Variants in AFDN observed in about 807,000 individuals in gnomAD.
AFDN encodes the protein afadin, adherens junction formation factor, also known as afadin.
Under a neutral mutation model 216.6 loss-of-function variants are expected in AFDN, and 68 were observed. The ratio of observed to expected loss-of-function variants is 0.31; its 90% CI spans 0.26 to 0.38. The LOEUF is 0.38. Among genes scored for constraint, AFDN ranks in the 10% least tolerant of loss-of-function variants. The pLI is 1.00. For missense variants in AFDN, 2,136 were observed against 2,342.0 expected (o/e 0.91, Z 1.82); for synonymous variants, 868 against 853.7 (o/e 1.02, Z -0.29).
In AFDN at chr6:167,947,970, C is replaced by G. The variant is rs1345205207; in HGVS notation, c.3645+26C>G. 6 of 1,528,990 alleles carry G rather than the reference C, an allele frequency of 3.9e-6. No homozygotes were observed. In the Admixed American group the frequency reaches 6.7e-5, roughly 17 times the overall value. 94.7% of individuals were successfully genotyped at this position (1,528,990 alleles called of 1,614,324 possible). On this transcript the variant is annotated intron_variant, in intron 28 of 33. Transcript: ENST00000683244. ...GTCTGATTGATTGATAAGCAAAAGG[C>G]TTCTACTGCATTTCCATCCTTAGGG...
At chr6:167,912,894 T>C (rs1203958995) in intron 15 of AFDN, among the ~76,000 whole-genome samples, 1 of 152,228 alleles carries the variant, frequency 6.6e-6, no homozygotes, top group East Asian at 1.9e-4. Flanking sequence ...TTGCTCCCTT[T>C]AGTATAGGTG....
intron 1 of AFDN, among the ~76,000 whole-genome samples, chr6:167,862,719 T>C (rs1348724458): frequency 1.3e-5 from 2 of 152,214 alleles, no homozygotes; most frequent in Non-Finnish European, 2.9e-5. Flanking sequence ...GAGATGGACA[T>C]GTTTAAAAGG....
intron 15 of AFDN, among the ~76,000 whole-genome samples, chr6:167,913,099 TC>T (rs1219286946): frequency 6.6e-6 from 1 of 152,156 alleles, no homozygotes; most frequent in Non-Finnish European, 1.5e-5. Flanking sequence ...CCATTGTAAA[TC>T]TTTTAAAGAG....
At chr6:167,918,206 A>G (rs537059164) in intron 20 of AFDN, among the ~76,000 whole-genome samples, 5 of 152,372 alleles carry the variant, frequency 3.3e-5, no homozygotes, top group Non-Finnish European at 5.9e-5. Flanking sequence ...TAATACATCA[A>G]TAAAACGTGT....
chr6:167,828,565 G>T (rs1034548732), intron 1 of AFDN, among the ~76,000 whole-genome samples: 8 of 152,214 alleles, frequency 5.3e-5, no homozygotes, highest in Admixed American at 2.6e-4. Context: ...ATGATTTTAT[G>T]AGTTAGGTTC....
At chr6:167,884,257 G>A (rs1379282601) in intron 6 of AFDN, among the ~76,000 whole-genome samples, 1 of 152,016 alleles carries the variant, frequency 6.6e-6, no homozygotes, top group Non-Finnish European at 1.5e-5. Flanking sequence ...ATCATCCATA[G>A]GGTTTGAATC....
At chr6:167,864,894 G>T (rs1169777668) in intron 2 of AFDN, 148 bp downstream of exon 2, 1 of 842,614 alleles carries the variant, frequency 1.2e-6, no homozygotes, top group Admixed American at 1.7e-5. Context: ...GGCAGGCTGA[G>T]AAAACTGTTT....
In AFDN at chr6:167,951,742, C is replaced by A. The variant is rs201842235; in HGVS notation, c.4388C>A (p.Pro1463His). ...TQSLNPAPFS[P>H]LTAQQMKPEK... ...TCCTTAAACCCTGCTCCGTTTTCTC[C>A]CCTGACTGCACAGCAGATGAAGCCC... The change falls in exon 30 of 34, where the codon CCC becomes CAC. Residue 1463 changes from proline (P) to histidine (H), a missense_variant. Transcript: ENST00000683244. This position sits in a 1 kb window ranked among gnomAD's most constrained non-coding sequence, Gnocchi z 7.1. 7.9e-5 allele frequency: 127 copies of A among 1,614,154 alleles called. 1 individual carries two copies. In the East Asian group the frequency reaches 2.1e-3, roughly 27 times the overall value.
chr6:167,956,001 G>C (rs1046603411), intron 30 of AFDN, among the ~76,000 whole-genome samples: 6 of 150,554 alleles, frequency 4.0e-5, no homozygotes, highest in Admixed American at 3.3e-4. Flanking sequence ...TGTAATGCCA[G>C]CTACTCAGGA....
At chr6:167,948,604 G>A (rs943264237) in intron 29 of AFDN, 126 bp downstream of exon 29, 1 of 921,592 alleles carries the variant, frequency 1.1e-6, no homozygotes, top group Admixed American at 3.0e-5. Flanking sequence ...TAATGGTTTT[G>A]TGGTTAAGTT....
intron 1 of AFDN, among the ~76,000 whole-genome samples, chr6:167,844,932 T>C (rs1781496447): frequency 6.7e-6 from 1 of 149,240 alleles, no homozygotes; most frequent in South Asian, 2.1e-4. Flanking sequence ...CGATCATAGC[T>C]CACTGTAGCC....
chr6:167,939,467 AAAG>A (rs891748844), intron 23 of AFDN, among the ~76,000 whole-genome samples: 25 of 152,284 alleles, frequency 1.6e-4, no homozygotes, highest in African/African-American at 4.8e-4. Context: ...ATTTTCAGGA[AAAG>A]AAGAAGAAGG....
chr6:167,854,360 T>A (rs1185149998), intron 1 of AFDN, among the ~76,000 whole-genome samples: 1 of 152,062 alleles, frequency 6.6e-6, no homozygotes, highest in Non-Finnish European at 1.5e-5. Context: ...GTGAAACAAG[T>A]TGGAAATTTT....
At position 167,893,948 on chromosome 6, in the gene AFDN, A is replaced by G. The variant is rs752802109; in HGVS notation, c.1222+42A>G. 38 of 1,407,722 alleles carry G rather than the reference A, an allele frequency of 2.7e-5. No homozygotes were observed. In the South Asian group the frequency reaches 4.4e-4, roughly 16 times the overall value. 87.2% of individuals were successfully genotyped at this position (1,407,722 alleles called of 1,614,324 possible). A position where few individuals can be genotyped will look rare whatever the true frequency, so the allele number is the denominator to read the frequency against. On this transcript the variant is annotated intron_variant, in intron 9 of 33. Coordinates refer to ENST00000683244, the MANE Select transcript of AFDN (RefSeq NM_001386888.1). ...TACTACTTTTATAACTAAAGCACTA[A>G]TAGAACCTCATGGGCAGAATAGTGT...
At chr6:167,947,430 T>G (rs186666020) in intron 27 of AFDN, among the ~76,000 whole-genome samples, 6 of 152,118 alleles carry the variant, frequency 3.9e-5, no homozygotes, top group Non-Finnish European at 5.9e-5. Flanking sequence ...CTGCCCGCCT[T>G]GGCCTCCCAA....
At chr6:167,870,032 C>T (rs1784623799) in intron 2 of AFDN, among the ~76,000 whole-genome samples, 1 of 152,098 alleles carries the variant, frequency 6.6e-6, no homozygotes, top group South Asian at 2.1e-4. Context: ...AACATTATGT[C>T]CTTATTTTCC....
chr6:167,932,732 T>C (rs1326336345), intron 23 of AFDN: 1 of 152,210 alleles, frequency 6.6e-6, no homozygotes, highest in Admixed American at 6.5e-5. Context: ...AAAATGTGGT[T>C]CTCTGTTGTT....
intron 23 of AFDN, among the ~76,000 whole-genome samples, chr6:167,935,441 A>G (rs1793877551): frequency 6.6e-6 from 1 of 152,210 alleles, no homozygotes; most frequent in Non-Finnish European, 1.5e-5. Context: ...CAGACGGGGA[A>G]AAGTGCATTT....
chr6:167,965,989 C>T lies in AFDN; in HGVS notation c.5201C>T (p.Thr1734Ile). The T allele has an allele frequency of 1.7e-5, 26 of 1,550,872 alleles. No homozygotes were observed. The highest frequency in any genetic ancestry group is 2.1e-5 in the Non-Finnish European group (24 of 1,146,952). Residue 1734 changes from threonine (T) to isoleucine (I), a missense_variant, in exon 32 of 34, where the codon ACT (threonine) becomes ATT (isoleucine). Coordinates refer to ENST00000683244, the MANE Select transcript of AFDN (RefSeq NM_001386888.1). ...GTCCTCTCCCCCGACTCGCTGTTCACTGCCAAGTTTGTTGCATACAATGAG... is the reference window on the plus strand; with the variant it reads ...GTCCTCTCCCCCGACTCGCTGTTCATTGCCAAGTTTGTTGCATACAATGAG... The part of the protein sequence containing the change: ...TQVLSPDSLF[T>I]AKFVAYNEEE...
Sources: gnomAD v4.1 joint callset for allele counts (sites outside exome capture counted in the v4.1 genomes callset) on GRCh38, gnomAD v4.1.1 for gene constraint, Gnocchi (gnomAD v3.1) non-coding constraint, MANE v1.5 for transcripts, NCBI Gene and HGNC (gene_info 2026-07-23, HGNC 2026-07-21) for gene names.